Variants in DHRSX observed in about 807,000 individuals in gnomAD.
DHRSX encodes polyprenol dehydrogenase.
DHRSX carries 31 observed loss-of-function variants against 34.0 expected under a neutral mutation model. The observed-to-expected ratio is 0.91, with a 90% CI of 0.69 to 1.23. The LOEUF (loss-of-function observed/expected upper bound fraction) is 1.23, where lower values mean the gene tolerates loss of function less well. DHRSX is among the 50% of genes most tolerant of loss of function. DHRSX has a pLI of 0.00. For missense variants in DHRSX, 414 were observed against 428.1 expected, an observed-to-expected ratio of 0.97 and a Z score of 0.29; for synonymous variants, 201 against 183.8, an observed-to-expected ratio of 1.09 and a Z score of -0.76.
chrX:2,270,108 T>C (rs2041529775), intron 4 of DHRSX, among the ~76,000 whole-genome samples: 1 of 152,180 alleles, frequency 6.6e-6, no homozygotes, highest in South Asian at 2.1e-4. Flanking sequence ...TGCTTGCTTC[T>C]GTGTGTACTG....
intron 1 of DHRSX, among the ~76,000 whole-genome samples, chrX:2,482,719 C>T (rs951680158): frequency 2.0e-5 from 3 of 152,198 alleles, no homozygotes; most frequent in African/African-American, 4.8e-5. Flanking sequence ...TTCTAGAAAT[C>T]CTGCAGTAAC....
At chrX:2,380,635 T>G (rs995051200) in intron 3 of DHRSX, among the ~76,000 whole-genome samples, 1 of 152,080 alleles carries the variant, frequency 6.6e-6, no homozygotes, top group Non-Finnish European at 1.5e-5. Context: ...GGTGGCGGAT[T>G]TCCCCCTTGC....
At position 2,393,727 on chromosome X, in the gene DHRSX, G is replaced by C. The variant is rs865856665; in HGVS notation, c.286+15018C>G. Among the ~76,000 whole-genome samples the C allele has an allele frequency of 1.5e-3, 94 of 60,968 alleles. 5 individuals carry two copies. The highest frequency in any genetic ancestry group is 5.0e-3 in the South Asian group (7 of 1,408). 40.0% of individuals were successfully genotyped at this position (60,968 alleles called of 152,430 possible). On this transcript the variant is annotated intron_variant, in intron 3 of 6. Transcript: ENST00000334651. ...ACACACGACACACAGGGACCTCCCCGTCTCCTGCACACACGACACACAGGG... is the reference window on the plus strand; with the variant it reads ...ACACACGACACACAGGGACCTCCCCCTCTCCTGCACACACGACACACAGGG...
At position 2,220,904 on chromosome X, in the gene DHRSX, G is replaced by T; in HGVS notation, c.*137C>A. 2.8e-6 allele frequency: 2 copies of T among 721,564 alleles called. No individual in the cohort carries two copies. The highest frequency in any genetic ancestry group is 4.5e-6 in the Non-Finnish European group (2 of 446,768). The allele number at this position is 721,564 out of a possible 1,614,324, so 44.7% of individuals were successfully genotyped here. A position where few individuals can be genotyped will look rare whatever the true frequency, so the allele number is the denominator to read the frequency against. On this transcript the variant is annotated 3_prime_UTR_variant, in exon 7 of 7. Transcript: ENST00000334651. ...TTGAAGTTCTGCAGAGGTTGAGGCAGCTGTCTCAAAACTAGAGGACAGAGC... is the reference window on the plus strand; with the variant it reads ...TTGAAGTTCTGCAGAGGTTGAGGCATCTGTCTCAAAACTAGAGGACAGAGC...
At chrX:2,484,263 A>G (rs4489475) in intron 1 of DHRSX, among the ~76,000 whole-genome samples, 47,455 of 152,098 alleles carry the variant, frequency 0.31, 8,545 homozygotes, top group African/African-American at 0.49. Context: ...GTGAGCCACC[A>G]CACCCAGCAA....
At chrX:2,345,407 C>G (rs2042693092) in intron 3 of DHRSX, among the ~76,000 whole-genome samples, 1 of 151,914 alleles carries the variant, frequency 6.6e-6, no homozygotes, top group South Asian at 2.1e-4. Context: ...CTTTGGGCAG[C>G]TGAGGCAGGT....
chrX:2,487,069 A>G (rs1471996376), intron 1 of DHRSX: 3 of 152,218 alleles, frequency 2.0e-5, no homozygotes, highest in Non-Finnish European at 4.4e-5. Flanking sequence ...GCAATATGCT[A>G]AGCCTCCTGA....
At chrX:2,341,393 C>T (rs771849050) in intron 3 of DHRSX, among the ~76,000 whole-genome samples, 2 of 152,266 alleles carry the variant, frequency 1.3e-5, no homozygotes, top group South Asian at 4.1e-4. Context: ...GGGAAGAATT[C>T]TTCCTGCCTC....
chrX:2,235,740 A>AAG (rs1491503711), intron 6 of DHRSX, among the ~76,000 whole-genome samples: 314 of 5,586 alleles, frequency 0.056, 1 homozygote, highest in African/African-American at 0.17. Context: ...ATCTCAGGGG[A>AAG]AAAAAAAAAA....
At chrX:2,239,520 G>T (rs1226323805) in intron 6 of DHRSX, among the ~76,000 whole-genome samples, 2 of 152,162 alleles carry the variant, frequency 1.3e-5, no homozygotes, top group Non-Finnish European at 2.9e-5. Context: ...ACTTTGAGAG[G>T]CCGAGGCAGG....
intron 3 of DHRSX, among the ~76,000 whole-genome samples, chrX:2,393,385 A>G (rs1402500636): frequency 6.6e-6 from 1 of 150,732 alleles, no homozygotes; most frequent in South Asian, 2.1e-4. Flanking sequence ...TGCACACACA[A>G]GACACAGCGA....
chrX:2,396,587 A>T (rs1340760735), intron 3 of DHRSX, among the ~76,000 whole-genome samples: 1 of 151,642 alleles, frequency 6.6e-6, no homozygotes, highest in African/African-American at 2.4e-5. Context: ...CATGTTGGCC[A>T]GGCTGGTCTC....
chrX:2,397,847 CCGGCAAGTCGG>C, intron 3 of DHRSX, among the ~76,000 whole-genome samples: 1 of 152,078 alleles, frequency 6.6e-6, no homozygotes, highest in Admixed American at 6.6e-5. Flanking sequence ...CCCAGGTGTG[CCGGCAAGTCGG>C]CGGCAAGTGG....
intron 1 of DHRSX, among the ~76,000 whole-genome samples, chrX:2,455,123 A>AC (rs1044135612): frequency 2.6e-5 from 4 of 151,618 alleles, no homozygotes; most frequent in Non-Finnish European, 4.4e-5. Flanking sequence ...AAAAAAAAAA[A>AC]AACGGGATGA....
chrX:2,360,390 C>T (rs1181680269), intron 3 of DHRSX, among the ~76,000 whole-genome samples: 2 of 152,128 alleles, frequency 1.3e-5, no homozygotes, highest in Non-Finnish European at 2.9e-5. Context: ...CAAGACCAGC[C>T]TGACCAACAT....
intron 1 of DHRSX, among the ~76,000 whole-genome samples, chrX:2,484,323 A>G (rs1371029588): frequency 2.0e-5 from 3 of 152,138 alleles, no homozygotes; most frequent in Admixed American, 2.0e-4. Flanking sequence ...GAGACAGAGA[A>G]TGCATGGTCC....
At chrX:2,306,552 G>C (rs141193353) in intron 3 of DHRSX, among the ~76,000 whole-genome samples, 1 of 149,764 alleles carries the variant, frequency 6.7e-6, no homozygotes, top group African/African-American at 2.4e-5. Context: ...ACCTCCACCC[G>C]CCAGGTTCAA....
intron 5 of DHRSX, among the ~76,000 whole-genome samples, chrX:2,258,995 C>T (rs2041317682): frequency 6.6e-6 from 1 of 152,180 alleles, no homozygotes; most frequent in Non-Finnish European, 1.5e-5. Context: ...GGGGAAGTGG[C>T]CGGGCGCAGT....
At chrX:2,310,840 C>A (rs1158322628) in intron 3 of DHRSX, among the ~76,000 whole-genome samples, 1 of 151,798 alleles carries the variant, frequency 6.6e-6, no homozygotes, top group Non-Finnish European at 1.5e-5. Context: ...GCGGGTGGAT[C>A]GCCTGATGTC....
Sources: allele counts gnomAD v4.1 joint callset (sites outside exome capture counted in the v4.1 genomes callset), GRCh38; gene constraint gnomAD v4.1.1; transcripts MANE v1.5; gene names NCBI Gene and HGNC (gene_info 2026-07-23, HGNC 2026-07-21).